PDE3B: variants seen among roughly 807,000 people sequenced by gnomAD.
The protein encoded by PDE3B is cGMP-inhibited 3',5'-cyclic phosphodiesterase 3B.
A neutral mutation model predicts 116.8 loss-of-function variants in PDE3B; 66 were observed. The ratio of observed to expected loss-of-function variants is 0.56; its 90% confidence interval spans 0.46 to 0.69. PDE3B has a LOEUF of 0.69. PDE3B is among the 30% of genes least tolerant of loss of function. The probability of loss-of-function intolerance (pLI) is 0.00; values close to 1 mark genes in which losing one functional copy is unlikely to be tolerated. For synonymous variants in PDE3B, 595 were observed against 533.6 expected (o/e 1.12, Z -1.59); for missense variants, 1,384 against 1,368.1 (o/e 1.01, Z -0.18).
chr11:14,784,107 C>G (rs1335375969), intron 2 of PDE3B, among the ~76,000 whole-genome samples: 2 of 152,202 alleles, frequency 1.3e-5, no homozygotes, highest in East Asian at 1.9e-4. Flanking sequence ...CAGTTTCATT[C>G]TGAAACCATC....
chr11:14,803,929 A>G lies in PDE3B; in HGVS notation c.1416-15A>G, dbSNP rs1345839679. On this transcript the variant is annotated splice_polypyrimidine_tract_variant and intron_variant, in intron 4 of 15. Transcript: ENST00000282096. Reference sequence around the variant, plus strand: ...CTGTTTTTAAAAATTTTAACCTGTTATTTTTCCCTTTTAGTCAAGGATGCT... The same window carrying G: ...CTGTTTTTAAAAATTTTAACCTGTTGTTTTTCCCTTTTAGTCAAGGATGCT... 3 of 1,456,666 alleles carry G rather than the reference A, an allele frequency of 2.1e-6. No homozygotes were observed. The highest frequency in any genetic ancestry group is 2.3e-5 in the South Asian group (2 of 86,514). 90.2% of individuals were successfully genotyped at this position (1,456,666 alleles called of 1,614,324 possible).
rs544901120 is a variant in PDE3B at position 14,686,859 on chromosome 11, G to A, written c.978+41806G>A. Among the ~76,000 whole-genome samples, 12 of 152,000 alleles carry A rather than the reference G, an allele frequency of 7.9e-5. 1 individual carries two copies. The highest frequency in any genetic ancestry group is 7.2e-4 in the Admixed American group (11 of 15,272). On this transcript the variant is annotated intron_variant, in intron 1 of 15. Transcript: ENST00000282096. ...ATCCCTAGTAGCTGGGACTACAGGCGCCCGCCACCATGGCTGGCTAATTTT... is the reference window on the plus strand; with the variant it reads ...ATCCCTAGTAGCTGGGACTACAGGCACCCGCCACCATGGCTGGCTAATTTT...
intron 11 of PDE3B, among the ~76,000 whole-genome samples, chr11:14,837,005 G>C (rs1360948644): frequency 1.3e-5 from 2 of 152,214 alleles, no homozygotes; most frequent in Non-Finnish European, 2.9e-5. Flanking sequence ...GTAGAGATGG[G>C]GTTTCACCAT....
At chr11:14,852,584 C>T (rs1403525446) in intron 12 of PDE3B, among the ~76,000 whole-genome samples, 4 of 152,120 alleles carry the variant, frequency 2.6e-5, no homozygotes, top group African/African-American at 7.2e-5. Context: ...CTCATTGTTA[C>T]GAATTGCCAT....
chr11:14,762,080 G>A (rs1857376446), intron 1 of PDE3B, among the ~76,000 whole-genome samples: 2 of 151,998 alleles, frequency 1.3e-5, no homozygotes, highest in Non-Finnish European at 2.9e-5. Flanking sequence ...ACTGAGCCTG[G>A]CAGATCGCTT....
intron 1 of PDE3B, among the ~76,000 whole-genome samples, chr11:14,697,203 G>C (rs1408222661): frequency 6.6e-6 from 1 of 152,132 alleles, no homozygotes; most frequent in East Asian, 1.9e-4. Context: ...CTTCCAAGGT[G>C]CAGAGTCTAT....
In PDE3B at chr11:14,734,096, G is replaced by A. The variant is rs548983716; in HGVS notation, c.979-37841G>A. The stretch of plus-strand genomic sequence containing the variant: ...AGTGTTTTCTTTTTTTCTTGAGACA[G>A]GGTCTTGATCTGCTGCCCAGGCTGG... On this transcript the variant is annotated intron_variant, in intron 1 of 15. Transcript: ENST00000282096. Among the ~76,000 whole-genome samples the A allele has an allele frequency of 3.3e-5, 5 of 152,226 alleles. No homozygotes were observed. In the East Asian group the frequency reaches 9.6e-4, roughly 29 times the overall value.
intron 1 of PDE3B, among the ~76,000 whole-genome samples, chr11:14,691,761 AG>A (rs962900824): frequency 3.9e-5 from 6 of 152,226 alleles, no homozygotes; most frequent in Non-Finnish European, 8.8e-5. Context: ...AAGAAAAATA[AG>A]GGAGAGTAAG....
chr11:14,680,827 C>T (rs892370835), intron 1 of PDE3B, among the ~76,000 whole-genome samples: 3 of 149,814 alleles, frequency 2.0e-5, no homozygotes, highest in Non-Finnish European at 4.4e-5. Context: ...GTCTTCCAAT[C>T]CATGGACATG....
intron 3 of PDE3B, 146 bp from the exon 4 acceptor site, chr11:14,788,960 A>G: frequency 2.0e-6 from 1 of 509,078 alleles, no homozygotes; most frequent in East Asian, 3.4e-5. Context: ...GAGTAAATTG[A>G]CAGATTTTCA....
intron 4 of PDE3B, among the ~76,000 whole-genome samples, chr11:14,803,350 A>G (rs1315414187): frequency 6.6e-6 from 1 of 152,190 alleles, no homozygotes; most frequent in African/African-American, 2.4e-5. Flanking sequence ...TTTTTTGCCT[A>G]CACTAATAAA....
At chr11:14,730,323 A>G (rs1339621133) in intron 1 of PDE3B, among the ~76,000 whole-genome samples, 1 of 152,206 alleles carries the variant, frequency 6.6e-6, no homozygotes, top group African/African-American at 2.4e-5. Context: ...TGTGTGGAGA[A>G]CTAAGCTCTG....
In PDE3B at chr11:14,847,009, C is replaced by G. The variant is rs567759779; in HGVS notation, c.2520+2983C>G. 6.6e-4 allele frequency among the ~76,000 whole-genome samples: 101 copies of G among 152,268 alleles called. No individual in the cohort carries two copies. The South Asian group carries it at 0.01, about 16-fold the overall frequency. ...GCGGACCTAATAGACATCTACAGAA[C>G]TCTCCACCCCAAATCAACAGAATAT... is the stretch of plus-strand genomic sequence containing the variant. On this transcript the variant is annotated intron_variant, in intron 12 of 15. Transcript: ENST00000282096.
the PDE3B span, among the ~76,000 whole-genome samples, chr11:14,894,863 TATC>T: frequency 6.6e-6 from 1 of 152,258 alleles, no homozygotes; most frequent in Non-Finnish European, 1.5e-5. Flanking sequence ...CTATGGCTTT[TATC>T]ATGACAGGAA....
Position 14,871,307 on chromosome 11 carries a change from T to C in PDE3B, c.*1647T>C, listed in dbSNP as rs1194500169. ...CTTGCTGCCACTTTTGTTACCATTG[T>C]CACACACTATGTGTAAACCAGTCCC... On this transcript the variant is annotated 3_prime_UTR_variant, in exon 16 of 16. Transcript: ENST00000282096. 2 of 152,176 alleles carry C rather than the reference T, an allele frequency of 1.3e-5. No homozygotes were observed. The highest frequency in any genetic ancestry group is 4.8e-5 in the African/African-American group (2 of 41,448). 9.4% of individuals were successfully genotyped at this position (152,176 alleles called of 1,614,324 possible). A position where few individuals can be genotyped will look rare whatever the true frequency, so the allele number is the denominator to read the frequency against.
intron 1 of PDE3B, among the ~76,000 whole-genome samples, chr11:14,659,679 GTGCTGT>G (rs1234373198): frequency 6.6e-6 from 1 of 152,132 alleles, no homozygotes; most frequent in African/African-American, 2.4e-5. Context: ...GCCCCAGTGT[GTGCTGT>G]TCCTCCCTAC....
At chr11:14,846,733 G>C (rs985338453) in intron 12 of PDE3B, among the ~76,000 whole-genome samples, 1 of 152,056 alleles carries the variant, frequency 6.6e-6, no homozygotes, top group East Asian at 1.9e-4. Flanking sequence ...AAGATCAAAA[G>C]AGACAAAGAA....
At chr11:14,810,359 T>C (rs1240409010) in intron 5 of PDE3B, among the ~76,000 whole-genome samples, 1 of 130,892 alleles carries the variant, frequency 7.6e-6, no homozygotes, top group African/African-American at 2.9e-5. Flanking sequence ...GATGTTCCCC[T>C]TCCTGTGTCC....
chr11:14,885,140 A>G, the PDE3B span, among the ~76,000 whole-genome samples: 1 of 152,332 alleles, frequency 6.6e-6, no homozygotes, highest in African/African-American at 2.4e-5. Flanking sequence ...AATTTAGGAC[A>G]CAACTTTAGT....
Sources: gnomAD v4.1 joint callset for allele counts (sites outside exome capture counted in the v4.1 genomes callset) on GRCh38, gnomAD v4.1.1 for gene constraint, MANE v1.5 for transcripts, NCBI Gene and HGNC (gene_info 2026-07-23, HGNC 2026-07-21) for gene names.